The following RSRC1 variants were observed in gnomAD, a reference collection of about 807,000 sequenced individuals.
RSRC1 encodes the protein serine/Arginine-related protein 53.
Under a neutral mutation model 49.1 loss-of-function variants are expected in RSRC1, and 39 were observed. The ratio of observed to expected loss-of-function variants is 0.79; its 90% CI spans 0.61 to 1.04. The LOEUF is 1.04. RSRC1 is among the 50% of genes least tolerant of loss of function. RSRC1 has a pLI of 0.00. For missense variants in RSRC1, 388 were observed against 402.4 expected, an observed-to-expected ratio of 0.96 and a Z score of 0.31; for synonymous variants, 143 against 130.8, an observed-to-expected ratio of 1.09 and a Z score of -0.63.
At chr3:158,353,198 G>T (rs1327685499) in intron 5 of RSRC1, among the ~76,000 whole-genome samples, 2 of 152,074 alleles carry the variant, frequency 1.3e-5, no homozygotes, top group African/African-American at 2.4e-5. Context: ...TTCATTAATT[G>T]CCACCTAACT....
At chr3:158,543,841 G>C (rs1038882431) in intron 9 of RSRC1, among the ~76,000 whole-genome samples, 1 of 149,658 alleles carries the variant, frequency 6.7e-6, no homozygotes, top group African/African-American at 2.5e-5. Context: ...GCTCTACTTT[G>C]TTCATTATCA....
In RSRC1 at chr3:158,359,169, C is replaced by T. The variant is rs541440761; in HGVS notation, c.583+4261C>T. Among the ~76,000 whole-genome samples, 10 of 152,242 alleles carry T rather than the reference C, an allele frequency of 6.6e-5. 1 individual carries two copies. The highest frequency in any genetic ancestry group is 9.6e-5 in the African/African-American group (4 of 41,556). On this transcript the variant is annotated intron_variant, in intron 6 of 9. Coordinates refer to ENST00000611884, the MANE Select transcript of RSRC1 (RefSeq NM_001271838.2). The stretch of plus-strand genomic sequence containing the variant: ...CATAGCAGCTGAACCATTTTACTTT[C>T]GCACCAATAGCAGTGTATAAAACAG...
intron 5 of RSRC1, among the ~76,000 whole-genome samples, chr3:158,319,641 T>C (rs1320141304): frequency 6.6e-6 from 1 of 152,232 alleles, no homozygotes; most frequent in Non-Finnish European, 1.5e-5. Flanking sequence ...CATGTTATTC[T>C]GTCTCAGGAT....
chr3:158,171,186 C>T (rs1451355891), intron 3 of RSRC1, among the ~76,000 whole-genome samples: 1 of 152,122 alleles, frequency 6.6e-6, no homozygotes, highest in African/African-American at 2.4e-5. Context: ...GAACTACAAC[C>T]CACAGAATGT....
At chr3:158,227,432 C>T (rs959741232) in intron 4 of RSRC1, among the ~76,000 whole-genome samples, 2 of 151,912 alleles carry the variant, frequency 1.3e-5, no homozygotes, top group African/African-American at 4.8e-5. Flanking sequence ...TCCCTCCCTT[C>T]ATCTCTCTTT....
chr3:158,418,322 A>G (rs1734857451), intron 6 of RSRC1, among the ~76,000 whole-genome samples: 1 of 152,002 alleles, frequency 6.6e-6, no homozygotes, highest in African/African-American at 2.4e-5. Context: ...TAGCACTCTC[A>G]TGGGTCTGCT....
intron 7 of RSRC1, among the ~76,000 whole-genome samples, chr3:158,477,768 C>A (rs1344839992): frequency 5.6e-5 from 7 of 124,882 alleles, no homozygotes; most frequent in Non-Finnish European, 1.2e-4. Context: ...AACCGTGGAG[C>A]ATGGTGATGG....
intron 7 of RSRC1, among the ~76,000 whole-genome samples, chr3:158,530,085 G>C (rs1379074958): frequency 2.0e-5 from 3 of 151,890 alleles, no homozygotes; most frequent in African/African-American, 7.2e-5. Flanking sequence ...ACCAGAAGAT[G>C]TATGAGCTAA....
At chr3:158,397,946 G>A (rs1733698943) in intron 6 of RSRC1, among the ~76,000 whole-genome samples, 2 of 152,126 alleles carry the variant, frequency 1.3e-5, no homozygotes, top group South Asian at 4.1e-4. Context: ...GAAATAATAT[G>A]AGGTTCAGAG....
At chr3:158,514,031 C>T (rs9681799) in intron 7 of RSRC1, among the ~76,000 whole-genome samples, 46,878 of 151,804 alleles carry the variant, frequency 0.31, 7,434 homozygotes, top group South Asian at 0.41. Flanking sequence ...GTCTTGCTAG[C>T]GGTCTATCAA....
At chr3:158,198,526 G>A (rs964779387) in intron 3 of RSRC1, among the ~76,000 whole-genome samples, 1 of 152,118 alleles carries the variant, frequency 6.6e-6, no homozygotes, top group African/African-American at 2.4e-5. Flanking sequence ...ATTTGATCCT[G>A]TCATTATGAT....
intron 7 of RSRC1, among the ~76,000 whole-genome samples, chr3:158,528,919 A>C (rs939502602): frequency 6.6e-6 from 1 of 151,894 alleles, no homozygotes; most frequent in African/African-American, 2.4e-5. Flanking sequence ...AAATTCATGG[A>C]AACCATTCTT....
At chr3:158,199,720 C>T (rs1720916182) in intron 3 of RSRC1, among the ~76,000 whole-genome samples, 1 of 152,154 alleles carries the variant, frequency 6.6e-6, no homozygotes, top group Non-Finnish European at 1.5e-5. Context: ...TTTTCATTTT[C>T]ATTCAGTTCA....
chr3:158,354,393 G>C (rs1311915982), intron 5 of RSRC1, among the ~76,000 whole-genome samples: 4 of 152,310 alleles, frequency 2.6e-5, no homozygotes, highest in Admixed American at 2.6e-4. Context: ...AAGCCAAATT[G>C]TGTCCTATCT....
At chr3:158,288,350 A>G (rs1726699258) in intron 4 of RSRC1, among the ~76,000 whole-genome samples, 1 of 152,178 alleles carries the variant, frequency 6.6e-6, no homozygotes, top group African/African-American at 2.4e-5. Context: ...TTCCTTGAAC[A>G]AGGTCAAGAG....
At chr3:158,447,693 A>G (rs975632822) in intron 6 of RSRC1, among the ~76,000 whole-genome samples, 3 of 151,976 alleles carry the variant, frequency 2.0e-5, no homozygotes, top group Non-Finnish European at 4.4e-5. Flanking sequence ...GATGTAGGCC[A>G]GCATAAGTTG....
chr3:158,543,314 A>G (rs1314372712), intron 8 of RSRC1, 21 bp from the exon 9 acceptor site: 3 of 1,505,908 alleles, frequency 2.0e-6, no homozygotes, highest in Non-Finnish European at 2.6e-6. Context: ...TGTTGAAATT[A>G]ATATGTGTTG....
intron 7 of RSRC1, among the ~76,000 whole-genome samples, chr3:158,513,876 TTTC>T (rs1740341362): frequency 6.6e-6 from 1 of 152,246 alleles, no homozygotes; most frequent in South Asian, 2.1e-4. Flanking sequence ...AATTTATCCA[TTTC>T]TTCTAGATTT....
intron 7 of RSRC1, among the ~76,000 whole-genome samples, chr3:158,483,567 T>C (rs1738701404): frequency 6.6e-6 from 1 of 152,098 alleles, no homozygotes; most frequent in Non-Finnish European, 1.5e-5. Flanking sequence ...GATTTGTCTT[T>C]AAATATTGAT....
Sources: allele counts gnomAD v4.1 joint callset (sites outside exome capture counted in the v4.1 genomes callset), GRCh38; gene constraint gnomAD v4.1.1; transcripts MANE v1.5; gene names NCBI Gene and HGNC (gene_info 2026-07-23, HGNC 2026-07-21).